Variants in ATP10B observed in about 807,000 individuals in gnomAD.
ATP10B encodes phospholipid-transporting ATPase VB.
ATP10B carries 122 observed loss-of-function variants against 141.2 expected under a neutral mutation model. That is an observed-to-expected ratio of 0.86 (90% CI 0.75 to 1.00). The LOEUF is 1.00. Among genes scored for constraint, ATP10B ranks in the 50% least tolerant of loss-of-function variants. The pLI, the probability that ATP10B is intolerant of heterozygous loss-of-function variation, is 0.00. For missense variants in ATP10B, 1,876 were observed against 1,825.3 expected (o/e 1.03, Z -0.51); for synonymous variants, 685 against 692.0 (o/e 0.99, Z 0.16).
chr5:160,883,609 C>T, the ATP10B span, among the ~76,000 whole-genome samples: 1 of 152,102 alleles, frequency 6.6e-6, no homozygotes, highest in Non-Finnish European at 1.5e-5. Context: ...GAAAAGAGAA[C>T]ATGCCTTAGT....
chr5:160,872,162 A>G, the ATP10B span, among the ~76,000 whole-genome samples: 1 of 152,122 alleles, frequency 6.6e-6, no homozygotes, highest in African/African-American at 2.4e-5. Flanking sequence ...ATTTTTTCAT[A>G]TATCTATTGG....
At chr5:160,658,006 T>A (rs1761626386) in intron 7 of ATP10B, among the ~76,000 whole-genome samples, 1 of 152,156 alleles carries the variant, frequency 6.6e-6, no homozygotes, top group African/African-American at 2.4e-5. Context: ...CACAAGAAGA[T>A]GATATGAGAT....
At chr5:160,910,437 C>T in the ATP10B span, among the ~76,000 whole-genome samples, 1,006 of 152,292 alleles carry the variant, frequency 6.6e-3, 16 homozygotes, top group African/African-American at 0.023. Flanking sequence ...TTTCGTTTAA[C>T]GCTCCAGCCC....
intron 24 of ATP10B, among the ~76,000 whole-genome samples, chr5:160,576,582 C>T (rs1755202921): frequency 6.6e-6 from 1 of 152,154 alleles, no homozygotes; most frequent in South Asian, 2.1e-4. Context: ...AATCACAAGA[C>T]ACAATGGGAG....
the ATP10B span, among the ~76,000 whole-genome samples, chr5:160,873,657 A>G: frequency 1.6e-4 from 25 of 152,274 alleles, 1 homozygote; most frequent in East Asian, 2.1e-3. Flanking sequence ...CAGACAGTGG[A>G]CGCAGGTCAG....
At chr5:160,882,266 A>C in the ATP10B span, among the ~76,000 whole-genome samples, 4 of 152,186 alleles carry the variant, frequency 2.6e-5, no homozygotes, top group African/African-American at 4.8e-5. Flanking sequence ...TGGGATACTT[A>C]AGACGTGTCA....
chr5:160,622,806 T>C (rs1278850092), intron 13 of ATP10B, among the ~76,000 whole-genome samples: 1 of 152,216 alleles, frequency 6.6e-6, no homozygotes, highest in Non-Finnish European at 1.5e-5. Flanking sequence ...AGTTCTTCAC[T>C]CTCAGTGTCT....
At chr5:160,607,135 C>T (rs1214136785) in intron 18 of ATP10B, 49 bp from the exon 19 acceptor site, 6 of 1,483,816 alleles carry the variant, frequency 4.0e-6, no homozygotes, top group Non-Finnish European at 5.5e-6. Flanking sequence ...CTTGGAAATG[C>T]ATGTTAACAA....
At chr5:160,755,835 AAAAATATATAT>A (rs1413166420) in intron 2 of ATP10B, among the ~76,000 whole-genome samples, 17 of 78,918 alleles carry the variant, frequency 2.2e-4, no homozygotes, top group African/African-American at 5.0e-4. Context: ...AAAAAAAAAA[AAAAATATATAT>A]ATATATATAT....
the ATP10B span, among the ~76,000 whole-genome samples, chr5:160,894,272 T>C: frequency 6.6e-6 from 1 of 152,038 alleles, no homozygotes; most frequent in Non-Finnish European, 1.5e-5. Context: ...AAGCAGCATG[T>C]TCTAGCCCAA....
At chr5:160,628,375 C>T (rs1758720301) in intron 13 of ATP10B, among the ~76,000 whole-genome samples, 1 of 152,166 alleles carries the variant, frequency 6.6e-6, no homozygotes, top group Admixed American at 6.5e-5. Flanking sequence ...CACATCACTT[C>T]CAGAAAGATT....
the ATP10B span, among the ~76,000 whole-genome samples, chr5:160,904,585 AC>A: frequency 1.3e-5 from 2 of 152,208 alleles, no homozygotes; most frequent in Non-Finnish European, 2.9e-5. Flanking sequence ...AACTTGCAAT[AC>A]ATATTTTAGG....
chr5:160,904,067 C>T, the ATP10B span, among the ~76,000 whole-genome samples: 2 of 152,106 alleles, frequency 1.3e-5, no homozygotes, highest in Non-Finnish European at 2.9e-5. Flanking sequence ...GATGAGGTTA[C>T]CACCTGTACT....
chr5:160,880,726 C>T, the ATP10B span, among the ~76,000 whole-genome samples: 3 of 152,112 alleles, frequency 2.0e-5, no homozygotes, highest in African/African-American at 7.2e-5. Context: ...GGTGCTGGAA[C>T]AACTGGACAT....
At chr5:160,603,192 T>C (rs1338734041) in intron 20 of ATP10B, 3 of 158,184 alleles carry the variant, frequency 1.9e-5, no homozygotes, top group African/African-American at 7.2e-5. Context: ...AGGCACAGTT[T>C]ATAGTACTCT....
the ATP10B span, among the ~76,000 whole-genome samples, chr5:160,897,158 C>T: frequency 2.6e-5 from 4 of 152,208 alleles, no homozygotes; most frequent in African/African-American, 9.7e-5. Flanking sequence ...TTTCTCACCA[C>T]TCCTATTCAA....
chr5:160,685,991 AT>A (rs1205283349), intron 6 of ATP10B, 87 bp downstream of exon 6: 1 of 1,040,636 alleles, frequency 9.6e-7, no homozygotes, highest in East Asian at 2.7e-5. Context: ...GGAAAATAAA[AT>A]CGAAGAAAAG....
chr5:160,891,300 G>A, the ATP10B span, among the ~76,000 whole-genome samples: 9 of 152,260 alleles, frequency 5.9e-5, no homozygotes, highest in Admixed American at 1.3e-4. Context: ...GGAGAACATC[G>A]TAGGTCCCTT....
At chr5:160,569,793 A>G in intron 24 of ATP10B, 110 bp from the exon 25 acceptor site, 2 of 903,286 alleles carry the variant, frequency 2.2e-6, no homozygotes, top group Non-Finnish European at 3.2e-6. Flanking sequence ...AATGCAAAAC[A>G]CACAAAATTC....
Sources: gnomAD v4.1 joint callset for allele counts (sites outside exome capture counted in the v4.1 genomes callset) on GRCh38, gnomAD v4.1.1 for gene constraint, MANE v1.5 for transcripts, NCBI Gene and HGNC (gene_info 2026-07-23, HGNC 2026-07-21) for gene names.